MLIP: variants seen among roughly 807,000 people sequenced by gnomAD.
The protein encoded by MLIP is muscular LMNA interacting protein.
A neutral mutation model predicts 84.8 loss-of-function variants in MLIP; 79 were observed. That is an observed-to-expected ratio of 0.93 (90% confidence interval 0.78 to 1.12). MLIP has a LOEUF of 1.12. Among genes scored for constraint, MLIP ranks in the 50% most tolerant of loss-of-function variants. MLIP has a pLI of 0.00. For synonymous variants in MLIP, 504 were observed against 463.0 expected (o/e 1.09, Z -1.14); for missense variants, 1,257 against 1,160.6 (o/e 1.08, Z -1.21).
intron 1 of MLIP, among the ~76,000 whole-genome samples, chr6:54,025,823 T>C (rs377033419): frequency 3.3e-4 from 50 of 152,298 alleles, no homozygotes; most frequent in African/African-American, 1.1e-3. Flanking sequence ...TCTTTAAGAC[T>C]GCAGCTGCCC....
At chr6:54,225,779 TA>T (rs1166831775) in intron 11 of MLIP, among the ~76,000 whole-genome samples, 19 of 152,278 alleles carry the variant, frequency 1.2e-4, no homozygotes, top group African/African-American at 4.3e-4. Flanking sequence ...ACAGAACCCT[TA>T]AGGACTTTCA....
At chr6:54,224,667 C>G (rs1245474744) in intron 11 of MLIP, among the ~76,000 whole-genome samples, 2 of 151,624 alleles carry the variant, frequency 1.3e-5, no homozygotes, top group African/African-American at 4.8e-5. Context: ...TTTGTGAGAC[C>G]CTGGTTCTCC....
chr6:54,084,790 T>C (rs949430729), intron 1 of MLIP, among the ~76,000 whole-genome samples: 3 of 152,190 alleles, frequency 2.0e-5, no homozygotes, highest in African/African-American at 7.2e-5. Context: ...CATTTTAATC[T>C]AAGAGTCACG....
chr6:54,152,960 CT>C (rs550188090), intron 5 of MLIP, among the ~76,000 whole-genome samples: 8 of 151,666 alleles, frequency 5.3e-5, no homozygotes, highest in Non-Finnish European at 1.0e-4. Context: ...AAATTTTTTC[CT>C]TGAAAGTAAT....
chr6:54,039,129 A>T (rs1764605426), intron 1 of MLIP, among the ~76,000 whole-genome samples: 2 of 151,958 alleles, frequency 1.3e-5, no homozygotes, highest in South Asian at 4.1e-4. Flanking sequence ...GAAAGGTATG[A>T]GCAAAACTAT....
At chr6:54,197,557 G>C (rs766127673) in intron 10 of MLIP, among the ~76,000 whole-genome samples, 82 of 152,080 alleles carry the variant, frequency 5.4e-4, no homozygotes, top group Middle Eastern at 3.4e-3. Flanking sequence ...TGATATTTTC[G>C]ATTTGGAGAA....
At chr6:54,153,651 C>A (rs1191403901) in intron 5 of MLIP, among the ~76,000 whole-genome samples, 1 of 151,792 alleles carries the variant, frequency 6.6e-6, no homozygotes, top group Non-Finnish European at 1.5e-5. Context: ...AATTCGAGAC[C>A]AGCCTGGCCA....
intron 9 of MLIP, among the ~76,000 whole-genome samples, chr6:54,189,536 T>C (rs1302538281): frequency 6.6e-6 from 1 of 152,120 alleles, no homozygotes; most frequent in Admixed American, 6.5e-5. Flanking sequence ...ATGTGAAGAA[T>C]ACAAAGAATG....
At chr6:54,256,483 T>G (rs901773139) in intron 12 of MLIP, among the ~76,000 whole-genome samples, 1 of 152,176 alleles carries the variant, frequency 6.6e-6, no homozygotes, top group Non-Finnish European at 1.5e-5. Context: ...GAAATATTCC[T>G]GTCAAACTGG....
chr6:54,154,089 T>C (rs1773759593), intron 5 of MLIP, among the ~76,000 whole-genome samples: 1 of 152,002 alleles, frequency 6.6e-6, no homozygotes, highest in Non-Finnish European at 1.5e-5. Context: ...TTGTATTTAA[T>C]TATGCATATT....
At chr6:54,078,691 C>CTT (rs70980890) in intron 1 of MLIP, among the ~76,000 whole-genome samples, 3,992 of 133,282 alleles carry the variant, frequency 0.03, 153 homozygotes, top group Middle Eastern at 0.081. Flanking sequence ...TTCTTTCTTT[C>CTT]TTTTTTTTTT....
intron 8 of MLIP, among the ~76,000 whole-genome samples, chr6:54,168,246 C>T (rs1311616728): frequency 6.6e-6 from 1 of 151,908 alleles, no homozygotes; most frequent in African/African-American, 2.4e-5. Context: ...CTACTCAACT[C>T]CCTTACTCCT....
chr6:54,103,762 G>A (rs982799797), intron 1 of MLIP, among the ~76,000 whole-genome samples: 27 of 152,144 alleles, frequency 1.8e-4, no homozygotes, highest in Non-Finnish European at 1.3e-4. Context: ...AACATGTATC[G>A]TAAGTAGTAG....
intron 1 of MLIP, among the ~76,000 whole-genome samples, chr6:54,089,048 G>A (rs1379201077): frequency 6.6e-6 from 1 of 152,040 alleles, no homozygotes; most frequent in Non-Finnish European, 1.5e-5. Context: ...TACAATTCTG[G>A]TGGATTTTAA....
chr6:54,165,196 T>C (rs964900475), intron 8 of MLIP, among the ~76,000 whole-genome samples: 4 of 151,896 alleles, frequency 2.6e-5, no homozygotes, highest in Non-Finnish European at 4.4e-5. Context: ...AGGAGGAGCA[T>C]GTGCTTCAGA....
chr6:54,107,431 C>T (rs1355805616), upstream of MLIP, among the ~76,000 whole-genome samples: 1 of 152,170 alleles, frequency 6.6e-6, no homozygotes, highest in African/African-American at 2.4e-5. Context: ...ATTGCACACT[C>T]AATTCTGAGC....
rs1328860479 is a variant in MLIP at position 54,098,153 on chromosome 6, T to C, written c.64-23294T>C. Among the ~76,000 whole-genome samples, 1,270 of 146,956 alleles carry C rather than the reference T, an allele frequency of 8.6e-3. 22 individuals carry two copies. Among genetic ancestry groups the C allele is most frequent in the African/African-American group, 0.029 (1,150 of 39,932 alleles). On this transcript the variant is annotated intron_variant, in intron 1 of 12. Coordinates refer to the MLIP transcript ENST00000274897. ...AGTCTTGGGGATTTTTCTTTCTTTTTTTTTTTTTTTTTTTTTGTTAGAGAC... is the reference window on the plus strand; with the variant it reads ...AGTCTTGGGGATTTTTCTTTCTTTTCTTTTTTTTTTTTTTTTGTTAGAGAC...
chr6:54,138,862 G>A (rs971365061), intron 4 of MLIP, among the ~76,000 whole-genome samples: 2 of 152,172 alleles, frequency 1.3e-5, no homozygotes. Context: ...CCCAGAATTT[G>A]ATAGCTGTTA....
chr6:54,022,071 G>C (rs1043109812), intron 1 of MLIP, among the ~76,000 whole-genome samples: 4 of 152,186 alleles, frequency 2.6e-5, no homozygotes, highest in Admixed American at 6.5e-5. Context: ...TGCTGTTGAG[G>C]TTGAATGGAT....
Sources: allele counts gnomAD v4.1 joint callset (sites outside exome capture counted in the v4.1 genomes callset), GRCh38; gene constraint gnomAD v4.1.1; transcripts MANE v1.5; gene names NCBI Gene and HGNC (gene_info 2026-07-23, HGNC 2026-07-21).